HERC1: variants seen among roughly 807,000 people sequenced by gnomAD.
HERC1 encodes probable E3 ubiquitin-protein ligase HERC1.
In HERC1, 160 loss-of-function variants were observed where a neutral mutation model predicts 554.3. The ratio of observed to expected loss-of-function variants is 0.29; its 90% CI spans 0.25 to 0.33. The LOEUF (loss-of-function observed/expected upper bound fraction) is 0.33, where lower values mean the gene tolerates loss of function less well. Ranked by LOEUF, HERC1 falls within the 10% of genes least tolerant of loss-of-function variation. HERC1 has a pLI of 1.00. For synonymous variants in HERC1, 2,175 were observed against 2,131.7 expected (o/e 1.02, Z -0.56); for missense variants, 4,919 against 5,918.5 (o/e 0.83, Z 5.54).
intron 59 of HERC1, among the ~76,000 whole-genome samples, chr15:63,641,861 T>C (rs73441933): frequency 6.6e-6 from 1 of 152,142 alleles, no homozygotes; most frequent in Admixed American, 6.5e-5. Flanking sequence ...ATTTGTGAAC[T>C]ACCTCTGATT....
intron 1 of HERC1, among the ~76,000 whole-genome samples, chr15:63,809,666 T>C (rs560487115): frequency 6.6e-6 from 1 of 152,246 alleles, no homozygotes; most frequent in East Asian, 1.9e-4. Flanking sequence ...TTTAAGGACA[T>C]TTAGAAGGTA....
At chr15:63,639,285 T>C (rs960037821) in intron 61 of HERC1, among the ~76,000 whole-genome samples, 2 of 152,262 alleles carry the variant, frequency 1.3e-5, no homozygotes, top group African/African-American at 4.8e-5. Flanking sequence ...ATTTTTATTA[T>C]ATCTTCTATG....
At chr15:63,822,094 C>T (rs540902263) in intron 1 of HERC1, among the ~76,000 whole-genome samples, 1 of 152,144 alleles carries the variant, frequency 6.6e-6, no homozygotes, top group Non-Finnish European at 1.5e-5. Flanking sequence ...TGTGAGCGAG[C>T]CAGCAGTGCA....
chr15:63,747,499 T>C (rs1237175437), intron 11 of HERC1, among the ~76,000 whole-genome samples: 1 of 152,052 alleles, frequency 6.6e-6, no homozygotes, highest in African/African-American at 2.4e-5. Flanking sequence ...ACAACAGTAA[T>C]TTTTAAAACA....
chr15:63,720,103 C>CCTTTTTTTTTTTTTTTTTTTTTTT (rs2073747290), intron 19 of HERC1, among the ~76,000 whole-genome samples: 1 of 71,608 alleles, frequency 1.4e-5, no homozygotes, highest in Non-Finnish European at 2.7e-5. Flanking sequence ...TTTTTCTTCC[C>CCTTTTTTTTTTTTTTTTTTTTTTT]TTTTTTTTTT....
rs73455397 is a variant in HERC1, at chr15:63,780,948, A to T, written c.-26-5299T>A. On this transcript the variant is annotated intron_variant, in intron 1 of 77. Coordinates refer to ENST00000443617, the MANE Select transcript of HERC1 (RefSeq NM_003922.4). ...TATATAACTATAAATCTAATAAGTAAATCATTTTTTAAATGTATATCCTAA... is the reference window on the plus strand; with the variant it reads ...TATATAACTATAAATCTAATAAGTATATCATTTTTTAAATGTATATCCTAA... 1.9e-3 allele frequency among the ~76,000 whole-genome samples: 296 copies of T among 152,340 alleles called. 1 individual carries two copies. Among genetic ancestry groups the T allele is most frequent in the African/African-American group, 6.8e-3 (284 of 41,578 alleles).
Position 63,623,882 on chromosome 15 carries a change from T to G in HERC1, c.13454A>C (p.Lys4485Thr). The G allele has an allele frequency of 6.2e-7, 1 of 1,613,728 alleles. No individual in the cohort carries two copies. Among genetic ancestry groups the G allele is most frequent in the Non-Finnish European group, 8.5e-7 (1 of 1,179,754 alleles). ...TVKRISTRGRKCKPIFVQIAR... is the reference protein window; with the variant it reads ...TVKRISTRGRTCKPIFVQIAR... ...TATTTGGACAAAAATAGGCTTACAC[T>G]TCCGTCCTCTTTAAAAGAAAGGGAG... Residue 4485 changes from lysine (K) to threonine (T), a missense_variant, in exon 73 of 78, where the codon AAG becomes ACG. By Grantham distance (78) the Lys-to-Thr change is moderately conservative. Transcript: ENST00000443617.
intron 1 of HERC1, among the ~76,000 whole-genome samples, chr15:63,805,456 T>A (rs1288061915): frequency 6.6e-6 from 1 of 152,150 alleles, no homozygotes; most frequent in Non-Finnish European, 1.5e-5. Flanking sequence ...AAAAAGCACA[T>A]CAGTTGTTGC....
Position 63,675,099 on chromosome 15 carries a change from C to A in HERC1, c.7089G>T (p.Ser2363=). ...EITISFPTFW[S]PSDTPLYNLE... The stretch of plus-strand genomic sequence containing the variant: ...GATTATACAATGGAGTATCACTAGG[C>A]GACCAAAAAGTTGGGAAGCTTTAAT... The change falls in exon 38 of 78, where the codon TCG becomes TCT. Residue 2363 remains serine, a synonymous_variant. Transcript: ENST00000443617. 2 of 1,583,392 alleles carry A rather than the reference C, an allele frequency of 1.3e-6. No homozygotes were observed. The highest frequency in any genetic ancestry group is 1.7e-6 in the Non-Finnish European group (2 of 1,162,956).
intron 12 of HERC1, among the ~76,000 whole-genome samples, chr15:63,744,164 G>GTGTCTCTCTCTCTCTCTC: frequency 6.5e-5 from 3 of 46,220 alleles, no homozygotes; most frequent in Admixed American, 2.4e-4. Flanking sequence ...GTGTGTGTGT[G>GTGTCTCTCTCTCTCTCTC]TCTCTCTCTC....
At chr15:63,786,977 T>C (rs145755754) in intron 1 of HERC1, among the ~76,000 whole-genome samples, 10 of 150,238 alleles carry the variant, frequency 6.7e-5, no homozygotes, top group Middle Eastern at 3.4e-3. Flanking sequence ...CAGTCGGTAG[T>C]GCAATGGCAT....
At chr15:63,811,706 G>C (rs7170659) in intron 1 of HERC1, among the ~76,000 whole-genome samples, 7 of 151,220 alleles carry the variant, frequency 4.6e-5, no homozygotes, top group African/African-American at 1.7e-4. Flanking sequence ...CTACTCAGGA[G>C]GCTGAGGCAG....
chr15:63,820,568 C>T (rs1409479627), intron 1 of HERC1, among the ~76,000 whole-genome samples: 1 of 152,158 alleles, frequency 6.6e-6, no homozygotes, highest in East Asian at 1.9e-4. Context: ...TTTTATGGTA[C>T]AGGGACTAAG....
In HERC1 at chr15:63,749,748, G is replaced by T; in HGVS notation, c.1946C>A (p.Ser649Ter). ...GCGACLGCGS[S>*]EATALRPKLI... The stretch of plus-strand genomic sequence containing the variant: ...CTTGGGTCTCAAAGCAGTAGCTTCT[G>T]AAGAACCACAACCTAGACAAGCTCC... Residue 649 changes from serine (S) to a stop codon, truncating the protein, a stop_gained, in exon 9 of 78, where the codon TCA (serine) becomes TAA (stop). Coordinates refer to ENST00000443617, the MANE Select transcript of HERC1 (RefSeq NM_003922.4). LOFTEE classifies it high-confidence loss of function. This position sits in a 1 kb window ranked among gnomAD's most constrained non-coding sequence, Gnocchi z 4.1. 2 of 1,581,064 alleles carry T rather than the reference G, an allele frequency of 1.3e-6. No homozygotes were observed. The highest frequency in any genetic ancestry group is 2.3e-5 in the East Asian group (1 of 43,430).
At chr15:63,686,306 A>G in intron 34 of HERC1, 53 bp downstream of exon 34, 1 of 1,299,548 alleles carries the variant, frequency 7.7e-7, no homozygotes, top group Non-Finnish European at 1.1e-6. Context: ...AAGAACCTGG[A>G]AAAAAAAGGA....
chr15:63,737,015 T>A (rs2074535238), intron 12 of HERC1, among the ~76,000 whole-genome samples: 1 of 148,260 alleles, frequency 6.7e-6, no homozygotes, highest in South Asian at 2.1e-4. Flanking sequence ...TTGTCTAATT[T>A]AAAAAAAAAA....
At chr15:63,832,032 T>C (rs1459026587) in intron 1 of HERC1, among the ~76,000 whole-genome samples, 4 of 152,192 alleles carry the variant, frequency 2.6e-5, no homozygotes, top group South Asian at 4.1e-4. Context: ...GAGGCCTTAA[T>C]AGGCCATTTA....
chr15:63,662,082 AAGT>A (rs2070386163), intron 44 of HERC1, 61 bp from the exon 45 acceptor site: 1 of 1,479,158 alleles, frequency 6.8e-7, no homozygotes, highest in South Asian at 1.3e-5. Context: ...AAGAAGTACC[AAGT>A]AGATTATTTA....
chr15:63,648,227 G>GA, intron 54 of HERC1, 28 bp from the exon 55 acceptor site: 1 of 1,575,586 alleles, frequency 6.3e-7, no homozygotes, highest in South Asian at 1.2e-5. Flanking sequence ...AAAGAGTAAG[G>GA]AAAAGATAAT....
Sources: gnomAD v4.1 joint callset for allele counts (sites outside exome capture counted in the v4.1 genomes callset) on GRCh38, gnomAD v4.1.1 for gene constraint, Gnocchi (gnomAD v3.1) non-coding constraint, MANE v1.5 for transcripts, NCBI Gene and HGNC (gene_info 2026-07-23, HGNC 2026-07-21) for gene names.